Variants in PKD2 observed in about 807,000 individuals in gnomAD.
The protein encoded by PKD2 is polycystin-2.
PKD2 carries 48 observed loss-of-function variants against 105.9 expected under a neutral mutation model. The observed-to-expected ratio is 0.45, with a 90% CI of 0.36 to 0.58. The LOEUF is 0.58. PKD2 is among the 20% of genes least tolerant of loss of function. The pLI is 0.00. For synonymous variants in PKD2, 464 were observed against 481.1 expected (o/e 0.96, Z 0.46); for missense variants, 1,078 against 1,255.3 (o/e 0.86, Z 2.13).
chr4:88,043,123 T>C, intron 4 of PKD2, 110 bp from the exon 5 acceptor site: 1 of 736,082 alleles, frequency 1.4e-6, no homozygotes. Context: ...GTACCCAGCT[T>C]GATAGGCCTT....
intron 7 of PKD2, among the ~76,000 whole-genome samples, chr4:88,053,550 A>G (rs997072044): frequency 6.6e-6 from 1 of 151,762 alleles, no homozygotes; most frequent in African/African-American, 2.4e-5. Context: ...CTAGCTACTT[A>G]GGAGGCTTAG....
intron 2 of PKD2, among the ~76,000 whole-genome samples, chr4:88,028,966 A>G (rs1727050007): frequency 6.6e-6 from 1 of 152,198 alleles, no homozygotes; most frequent in Non-Finnish European, 1.5e-5. Context: ...TTTCCTCACA[A>G]TTTTAAAATT....
At chr4:88,020,977 A>G (rs917884093) in intron 2 of PKD2, among the ~76,000 whole-genome samples, 4 of 152,136 alleles carry the variant, frequency 2.6e-5, no homozygotes, top group Non-Finnish European at 5.9e-5. Flanking sequence ...GAGCCACTGC[A>G]CCCAGCCTGG....
At chr4:88,011,653 C>T (rs766304041) in intron 1 of PKD2, among the ~76,000 whole-genome samples, 24 of 152,002 alleles carry the variant, frequency 1.6e-4, no homozygotes, top group Admixed American at 2.0e-4. Flanking sequence ...CCTTCCCTTT[C>T]GATGTCTAAA....
At chr4:88,009,504 T>A (rs1184435164) in intron 1 of PKD2, among the ~76,000 whole-genome samples, 1 of 146,268 alleles carries the variant, frequency 6.8e-6, no homozygotes, top group Non-Finnish European at 1.5e-5. Flanking sequence ...TTTTTTTTTT[T>A]AAAGAGATGA....
intron 13 of PKD2, among the ~76,000 whole-genome samples, chr4:88,070,589 T>TAGAG (rs1267877930): frequency 8.5e-5 from 9 of 105,314 alleles, no homozygotes; most frequent in African/African-American, 2.2e-4. Context: ...TATATATATA[T>TAGAG]ATATATATAT....
intron 2 of PKD2, among the ~76,000 whole-genome samples, chr4:88,035,891 C>G (rs187673569): frequency 1.3e-5 from 2 of 151,948 alleles, no homozygotes; most frequent in East Asian, 3.9e-4. Context: ...GGATCTGAGC[C>G]GAGAGGTGGT....
At chr4:88,050,969 A>G (rs769103780) in intron 6 of PKD2, among the ~76,000 whole-genome samples, 5 of 152,286 alleles carry the variant, frequency 3.3e-5, no homozygotes, top group Non-Finnish European at 5.9e-5. Flanking sequence ...CATGATTCCT[A>G]AGAAGAGAGA....
In PKD2 at chr4:88,046,983, G is replaced by A. The variant is rs1727799435; in HGVS notation, c.1548+113G>A. 3 of 757,834 alleles carry A rather than the reference G, an allele frequency of 4.0e-6. No individual in the cohort carries two copies. The South Asian group carries it at 4.4e-5, about 11-fold the overall frequency. The allele number at this position is 757,834 out of a possible 1,614,324, so 46.9% of individuals were successfully genotyped here. A position where few individuals can be genotyped will look rare whatever the true frequency, so the allele number is the denominator to read the frequency against. ...GATATTCCCAAAAAAGAATCTAAAA[G>A]TCCCCCTCAATTATATCAACTTCTG... On this transcript the variant is annotated intron_variant, in intron 6 of 14. Transcript: ENST00000237596.
At chr4:88,040,032 G>T (rs80301989) in intron 4 of PKD2, among the ~76,000 whole-genome samples, 2 of 152,084 alleles carry the variant, frequency 1.3e-5, no homozygotes, top group African/African-American at 4.8e-5. Context: ...TACAGCCACT[G>T]CTCTGTGCCA....
At chr4:88,047,178 T>G (rs1727808100) in intron 6 of PKD2, among the ~76,000 whole-genome samples, 1 of 152,026 alleles carries the variant, frequency 6.6e-6, no homozygotes, top group Non-Finnish European at 1.5e-5. Flanking sequence ...TTTCTTTGTT[T>G]TTTTTTCCAC....
At chr4:88,020,209 G>A (rs535895411) in intron 2 of PKD2, among the ~76,000 whole-genome samples, 79 of 152,102 alleles carry the variant, frequency 5.2e-4, no homozygotes, top group Non-Finnish European at 8.2e-4. Flanking sequence ...GTCTGCATAA[G>A]AATTGTTTCC....
At chr4:88,034,902 T>C (rs1015167254) in intron 2 of PKD2, among the ~76,000 whole-genome samples, 2 of 152,112 alleles carry the variant, frequency 1.3e-5, no homozygotes, top group Admixed American at 1.3e-4. Context: ...GGAATTATAT[T>C]ATACCTGCAA....
chr4:88,068,642 TTCTA>T lies in PKD2; in HGVS notation c.2522+583_2522+586del, dbSNP rs1475188413. ...TCTATTTGCATGTGTTTATCAATGT[TTCTA>T]TATATTTTTATGGCCTAACATATGG... On this transcript the variant is annotated intron_variant, in intron 13 of 14. Transcript: ENST00000237596. Among the ~76,000 whole-genome samples the T allele has an allele frequency of 3.9e-5, 6 of 152,330 alleles. No homozygotes were observed. In the South Asian group the frequency reaches 1.0e-3, roughly 26 times the overall value.
Position 88,075,829 on chromosome 4 carries a change from CT to C in PKD2, c.*138del. Reference sequence around the variant, plus strand: ...TGTGACCGATTGCTAATCTTCTGCACTTTAATTTATTTTATATAAACTTTAC... The same window carrying C: ...TGTGACCGATTGCTAATCTTCTGCACTTAATTTATTTTATATAAACTTTAC... On this transcript the variant is annotated 3_prime_UTR_variant, in exon 15 of 15. Transcript: ENST00000237596. 1.3e-6 allele frequency: 1 copy of C among 746,952 alleles called. No homozygotes were observed. The highest frequency in any genetic ancestry group is 1.5e-5 in the South Asian group (1 of 68,428). 46.3% of individuals were successfully genotyped at this position (746,952 alleles called of 1,614,324 possible).
In PKD2 at chr4:88,007,717, G is replaced by A. The variant is rs1196401306; in HGVS notation, c.-17G>A. The A allele has an allele frequency of 1.7e-6, 2 of 1,193,184 alleles. No homozygotes were observed. The highest frequency in any genetic ancestry group is 3.7e-5 in the Admixed American group (1 of 27,208). The allele number at this position is 1,193,184 out of a possible 1,614,324, so 73.9% of individuals were successfully genotyped here. ...GCGCGGCGCCGCGCACCCGCGCGCC[G>A]GACGCCAGTGACCGCGATGGTGAAC... On this transcript the variant is annotated 5_prime_UTR_variant, in exon 1 of 15. Coordinates refer to ENST00000237596, the MANE Select transcript of PKD2 (RefSeq NM_000297.4).
chr4:88,065,979 T>G, intron 12 of PKD2, 100 bp downstream of exon 12: 1 of 774,418 alleles, frequency 1.3e-6, no homozygotes, highest in Non-Finnish European at 2.4e-6. Flanking sequence ...CTCTTGCCCA[T>G]TCCCCACCAC....
chr4:88,008,489 A>G (rs1391604084), intron 1 of PKD2, among the ~76,000 whole-genome samples, 161 bp downstream of exon 1: 1 of 152,204 alleles, frequency 6.6e-6, no homozygotes, highest in East Asian at 1.9e-4. Flanking sequence ...GTGCTGCCCT[A>G]TTTCCGGTAC....
intron 13 of PKD2, among the ~76,000 whole-genome samples, chr4:88,070,597 TATATAGAGAG>T (rs1185067277): frequency 1.1e-4 from 11 of 99,146 alleles, no homozygotes; most frequent in Non-Finnish European, 1.6e-4. Flanking sequence ...TATATATATA[TATATAGAGAG>T]AGAGAGAGAG....
Sources: allele counts gnomAD v4.1 joint callset (sites outside exome capture counted in the v4.1 genomes callset), GRCh38; gene constraint gnomAD v4.1.1; transcripts MANE v1.5; gene names NCBI Gene and HGNC (gene_info 2026-07-23, HGNC 2026-07-21).